ITPRID1: variants seen among roughly 807,000 people sequenced by gnomAD.
ITPRID1 encodes the protein protein ITPRID1.
In ITPRID1, 96 loss-of-function variants were observed where a neutral mutation model predicts 95.4. The observed-to-expected ratio is 1.01, with a 90% CI of 0.85 to 1.19. ITPRID1 has a LOEUF of 1.19. ITPRID1 is among the 50% of genes most tolerant of loss of function. The pLI, the probability that ITPRID1 is intolerant of heterozygous loss-of-function variation, is 0.00. For missense variants in ITPRID1, 1,339 were observed against 1,252.9 expected (o/e 1.07, Z -1.04); for synonymous variants, 510 against 453.6 (o/e 1.12, Z -1.58).
At chr7:31,576,196 G>A (rs1465110489) in intron 8 of ITPRID1, among the ~76,000 whole-genome samples, 2 of 152,188 alleles carry the variant, frequency 1.3e-5, no homozygotes, top group Non-Finnish European at 2.9e-5. Flanking sequence ...TTGATTCAAG[G>A]AAGCAGAGAA....
chr7:31,520,777 C>T (rs1008414173), intron 1 of ITPRID1, among the ~76,000 whole-genome samples: 5 of 152,098 alleles, frequency 3.3e-5, no homozygotes, highest in African/African-American at 1.2e-4. Context: ...TATGCTAATC[C>T]ATGTATATAC....
Position 31,534,062 on chromosome 7 carries a change from C to A in ITPRID1, c.-97-15364C>A, listed in dbSNP as rs181902141. The stretch of plus-strand genomic sequence containing the variant: ...TGAACCCTATTGCAAACTGCACATG[C>A]GAGGGATCTAGGTTGTGTGCTCCCT... On this transcript the variant is annotated intron_variant, in intron 1 of 14. Coordinates refer to ENST00000615280, the MANE Select transcript of ITPRID1 (RefSeq NM_001257967.3). Among the ~76,000 whole-genome samples, 6 of 152,260 alleles carry A rather than the reference C, an allele frequency of 3.9e-5. No homozygotes were observed. In the East Asian group the frequency reaches 1.2e-3, roughly 29 times the overall value.
intron 10 of ITPRID1, among the ~76,000 whole-genome samples, chr7:31,625,009 A>G (rs1267515742): frequency 1.4e-4 from 21 of 152,216 alleles, no homozygotes; most frequent in African/African-American, 4.3e-4. Context: ...GCAGTCAAAA[A>G]ACACATGAAA....
chr7:31,528,794 C>G (rs1477921654), intron 1 of ITPRID1, among the ~76,000 whole-genome samples: 1 of 152,182 alleles, frequency 6.6e-6, no homozygotes, highest in Non-Finnish European at 1.5e-5. Context: ...TTCATCTTTT[C>G]TCATATTGGG....
chr7:31,610,285 C>T (rs1319478322), intron 10 of ITPRID1, among the ~76,000 whole-genome samples: 1 of 151,280 alleles, frequency 6.6e-6, no homozygotes, highest in African/African-American at 2.4e-5. Flanking sequence ...GTGTCTTTTA[C>T]AGATGTCTAT....
At chr7:31,539,066 T>G (rs1783849988) in intron 1 of ITPRID1, among the ~76,000 whole-genome samples, 1 of 152,262 alleles carries the variant, frequency 6.6e-6, no homozygotes, top group Admixed American at 6.5e-5. Context: ...ATGTACCAGT[T>G]TATGTATCCA....
At chr7:31,644,490 T>A (rs914645238) in intron 12 of ITPRID1, among the ~76,000 whole-genome samples, 3 of 152,206 alleles carry the variant, frequency 2.0e-5, no homozygotes, top group African/African-American at 4.8e-5. Flanking sequence ...GTTACTCTTA[T>A]ATGTGTTACT....
intron 1 of ITPRID1, among the ~76,000 whole-genome samples, chr7:31,546,605 A>G (rs1784107327): frequency 6.6e-6 from 1 of 152,150 alleles, no homozygotes; most frequent in South Asian, 2.1e-4. Context: ...CTATTTCATA[A>G]CCAGATTGGC....
Position 31,654,818 on chromosome 7 carries a change from C to A in ITPRID1, c.*1989C>A, listed in dbSNP as rs1290083765. Reference sequence around the variant, plus strand: ...GGAGAGGTCACTTCTTAGCAAGTAACCTCAGAAACTAATTCTATTGAAACC... The same window carrying A: ...GGAGAGGTCACTTCTTAGCAAGTAAACTCAGAAACTAATTCTATTGAAACC... On this transcript the variant is annotated 3_prime_UTR_variant, in exon 15 of 15. Coordinates refer to ENST00000615280, the MANE Select transcript of ITPRID1 (RefSeq NM_001257967.3). Among the ~76,000 whole-genome samples, 1 of 152,124 alleles carries A rather than the reference C, an allele frequency of 6.6e-6. No homozygotes were observed. Among genetic ancestry groups the A allele is most frequent in the Non-Finnish European group, 1.5e-5 (1 of 68,014 alleles).
intron 10 of ITPRID1, among the ~76,000 whole-genome samples, chr7:31,593,433 A>G (rs1341031786): frequency 6.6e-6 from 1 of 152,226 alleles, no homozygotes; most frequent in Non-Finnish European, 1.5e-5. Context: ...GAGAAAAACA[A>G]TATCTTATTA....
chr7:31,589,062 T>C (rs1785749144), intron 10 of ITPRID1, among the ~76,000 whole-genome samples: 1 of 152,036 alleles, frequency 6.6e-6, no homozygotes, highest in Non-Finnish European at 1.5e-5. Context: ...GAGATTATTA[T>C]AATTATGCTG....
intron 10 of ITPRID1, among the ~76,000 whole-genome samples, chr7:31,623,640 C>G (rs1788146804): frequency 7.5e-6 from 1 of 133,464 alleles, no homozygotes; most frequent in African/African-American, 2.7e-5. Flanking sequence ...AAACCCACAG[C>G]CAATATCATA....
At chr7:31,650,319 T>C (rs778088288) in intron 12 of ITPRID1, among the ~76,000 whole-genome samples, 1 of 152,114 alleles carries the variant, frequency 6.6e-6, no homozygotes, top group Non-Finnish European at 1.5e-5. Flanking sequence ...ATGGGGAGGT[T>C]AAGGTCATCC....
chr7:31,652,084 C>G (rs1357080608), intron 14 of ITPRID1, 34 bp downstream of exon 14: 2 of 1,396,272 alleles, frequency 1.4e-6, no homozygotes, highest in Admixed American at 3.9e-5. Flanking sequence ...TTGACTATAT[C>G]CAGCCTACCA....
chr7:31,529,468 C>A, intron 1 of ITPRID1: 1 of 373,456 alleles, frequency 2.7e-6, no homozygotes, highest in Non-Finnish European at 4.8e-6. Context: ...ATTCATTCTC[C>A]ACACACTCTT....
intron 10 of ITPRID1, among the ~76,000 whole-genome samples, chr7:31,639,947 GT>G (rs1316406023): frequency 1.3e-5 from 2 of 152,162 alleles, no homozygotes; most frequent in Non-Finnish European, 2.9e-5. Flanking sequence ...TGGATCATAT[GT>G]TCCTGCTTCT....
chr7:31,558,261 C>T (rs1208872772), intron 5 of ITPRID1, among the ~76,000 whole-genome samples: 2 of 152,146 alleles, frequency 1.3e-5, no homozygotes, highest in African/African-American at 4.8e-5. Context: ...AACTTCTTTT[C>T]TTTATAAATT....
At chr7:31,610,651 TTA>T (rs1426519201) in intron 10 of ITPRID1, among the ~76,000 whole-genome samples, 1 of 151,654 alleles carries the variant, frequency 6.6e-6, no homozygotes, top group African/African-American at 2.4e-5. Flanking sequence ...TTTTTAATTG[TTA>T]TGTCTTCCTA....
At position 31,642,904 on chromosome 7, in the gene ITPRID1, G is replaced by C. The variant is rs1790153508; in HGVS notation, c.1534G>C (p.Glu512Gln). 1 of 1,614,002 alleles carries C rather than the reference G, an allele frequency of 6.2e-7. No individual in the cohort carries two copies. The highest frequency in any genetic ancestry group is 1.3e-5 in the African/African-American group (1 of 75,048). The change falls in exon 12 of 15, where the codon GAG (glutamate) becomes CAG (glutamine). Residue 512 changes from glutamate (E) to glutamine (Q), a missense_variant. By Grantham distance (29) the Glu-to-Gln change is conservative. Coordinates refer to ENST00000615280, the MANE Select transcript of ITPRID1 (RefSeq NM_001257967.3). Reference protein sequence around the residue: ...MEEEFLLEAMEGPPELYIPDM... With the variant: ...MEEEFLLEAMQGPPELYIPDM... Reference sequence around the variant, plus strand: ...GGAAGAGTTTCTGCTTGAGGCCATGGAGGGGCCACCAGAGCTGTATATCCC... The same window carrying C: ...GGAAGAGTTTCTGCTTGAGGCCATGCAGGGGCCACCAGAGCTGTATATCCC...
Sources: gnomAD v4.1 joint callset for allele counts (sites outside exome capture counted in the v4.1 genomes callset) on GRCh38, gnomAD v4.1.1 for gene constraint, MANE v1.5 for transcripts, NCBI Gene and HGNC (gene_info 2026-07-23, HGNC 2026-07-21) for gene names.